Variants in ZNF185 observed in about 807,000 individuals in gnomAD.
ZNF185 encodes the protein zinc finger protein 185.
A neutral mutation model predicts 58.6 loss-of-function variants in ZNF185; 56 were observed. The ratio of observed to expected loss-of-function variants is 0.95; its 90% CI spans 0.77 to 1.19. ZNF185 has a LOEUF of 1.19. Ranked by LOEUF, ZNF185 falls within the 50% of genes most tolerant of loss-of-function variation. ZNF185 has a pLI of 0.00. For missense variants in ZNF185, 627 were observed against 573.5 expected (o/e 1.09, Z -0.95); for synonymous variants, 230 against 215.9 (o/e 1.07, Z -0.57).
intron 15 of ZNF185, among the ~76,000 whole-genome samples, chrX:152,941,400 A>G (rs1363936906): frequency 4.4e-5 from 5 of 112,659 alleles, no homozygotes; most frequent in Non-Finnish European, 9.4e-5. Context: ...CAAAATGGTA[A>G]TAGTGCTAAG....
chrX:152,901,146 C>T, the ZNF185 span, among the ~76,000 whole-genome samples: 106 of 112,371 alleles, frequency 9.4e-4, no homozygotes, highest in African/African-American at 3.4e-3. Flanking sequence ...CAGTATCTAC[C>T]CACATTTAAA....
the ZNF185 span, among the ~76,000 whole-genome samples, chrX:152,901,493 A>G: frequency 0.011 from 1,169 of 110,259 alleles, 15 homozygotes; most frequent in African/African-American, 0.037. Context: ...AGTTGTACGA[A>G]TCGTGCAGAG....
chrX:152,907,705 G>A, the ZNF185 span, among the ~76,000 whole-genome samples: 12 of 113,068 alleles, frequency 1.1e-4, no homozygotes, highest in African/African-American at 3.5e-4. Context: ...GCCTGAGTAC[G>A]GGGCTTTGCT....
rs189142941 is a variant in ZNF185 at position 152,938,378 on chromosome X, A to G, written c.1211+215A>G. Among the ~76,000 whole-genome samples the G allele has an allele frequency of 2.2e-3, 247 of 112,602 alleles. 7 individuals carry two copies. Among genetic ancestry groups the G allele is most frequent in the African/African-American group, 7.0e-3 (216 of 30,996 alleles). On this transcript the variant is annotated intron_variant, in intron 15 of 22. Coordinates refer to ENST00000449285, the Ensembl canonical transcript of ZNF185. ...TTGCCTTGGCCAGGAAATACATCAT[A>G]GTCAGAAAGGGTCTTTCAGTCAGCA... is the stretch of plus-strand genomic sequence containing the variant.
At chrX:152,939,774 G>A (rs782698779) in intron 15 of ZNF185, among the ~76,000 whole-genome samples, 1 of 56,394 alleles carries the variant, frequency 1.8e-5, no homozygotes, top group African/African-American at 5.4e-5. Flanking sequence ...AAAATCAGAG[G>A]TGTTTTTTTT....
intron 5 of ZNF185, 138 bp downstream of exon 6, chrX:152,917,500 AC>A: frequency 1.3e-6 from 1 of 764,340 alleles, no homozygotes; most frequent in Non-Finnish European, 1.9e-6. Flanking sequence ...GTAGGGCAGG[AC>A]CCTGGAGAGC....
In ZNF185 at chrX:152,971,934, T is replaced by C. The variant is rs782725636; in HGVS notation, c.*661T>C. On this transcript the variant is annotated 3_prime_UTR_variant, in exon 23 of 23. Coordinates refer to ENST00000449285, the Ensembl canonical transcript of ZNF185. ...AGGTTTAAATTCAGTAGGATGTGAT[T>C]TTAGGATGCTACTGATCAAAGTGAT... 3.6e-5 allele frequency: 4 copies of C among 112,050 alleles called. No individual in the cohort carries two copies. In the East Asian group the frequency reaches 8.4e-4, roughly 24 times the overall value. The allele number at this position is 112,050 out of a possible 1,213,427, so 9.2% of individuals were successfully genotyped here. A position where few individuals can be genotyped will look rare whatever the true frequency, so the allele number is the denominator to read the frequency against.
chrX:152,916,696 A>G (rs943013649), intron 3 of ZNF185, among the ~76,000 whole-genome samples: 2 of 112,277 alleles, frequency 1.8e-5, no homozygotes, highest in African/African-American at 3.2e-5. Context: ...GTTGAGGGAG[A>G]TCAGGTCAGA....
intron 20 of ZNF185, 87 bp from the exon 23 acceptor site, chrX:152,969,295 G>C: frequency 1.3e-6 from 1 of 797,533 alleles, no homozygotes; most frequent in Admixed American, 2.8e-5. Flanking sequence ...CCTGGGCCTG[G>C]CTGCACCAAA....
At chrX:152,963,715 T>G in intron 17 of ZNF185, 124 bp from the exon 20 acceptor site, 1 of 531,547 alleles carries the variant, frequency 1.9e-6, no homozygotes, top group Non-Finnish European at 2.9e-6. Context: ...AGAAGTTCCA[T>G]TTGTTGGTCT....
chrX:152,941,748 C>T, intron 15 of ZNF185: 1 of 1,165,380 alleles, frequency 8.6e-7, no homozygotes, highest in Non-Finnish European at 1.1e-6. Context: ...CGGGGATTCT[C>T]TTGAGGCCAT....
chrX:152,920,989 C>G lies in ZNF185; in HGVS notation c.656+241C>G, dbSNP rs892526442. Among the ~76,000 whole-genome samples, 5 of 112,633 alleles carry G rather than the reference C, an allele frequency of 4.4e-5. No homozygotes were observed. In the Admixed American group the frequency reaches 4.7e-4, roughly 11 times the overall value. On this transcript the variant is annotated intron_variant, in intron 9 of 22. Transcript: ENST00000449285. ...TTTGCCAATGGCTAATGGGGCTGGG[C>G]CCCTGACCCAACGTGGAGCATTTCC...
chrX:152,914,607 C>T, intron 1 of ZNF185, 84 bp downstream of exon 2: 1 of 1,158,256 alleles, frequency 8.6e-7, no homozygotes, highest in African/African-American at 1.8e-5. Flanking sequence ...CAAGCACTGT[C>T]CCAGCAGCAA....
chrX:152,927,284 C>A (rs1298103468), intron 11 of ZNF185, among the ~76,000 whole-genome samples: 1 of 112,203 alleles, frequency 8.9e-6, no homozygotes, highest in Non-Finnish European at 1.9e-5. Context: ...GTGTCTAGGG[C>A]CCCTCCTGGC....
intron 15 of ZNF185, among the ~76,000 whole-genome samples, chrX:152,943,447 G>C (rs782078137): frequency 8.9e-6 from 1 of 112,140 alleles, no homozygotes; most frequent in Non-Finnish European, 1.9e-5. Flanking sequence ...AAATCCCGTT[G>C]GTCACCATCC....
chrX:152,907,691 T>C, the ZNF185 span, among the ~76,000 whole-genome samples: 1 of 112,828 alleles, frequency 8.9e-6, no homozygotes, highest in Non-Finnish European at 1.9e-5. Flanking sequence ...GACAGGCTGG[T>C]GTTGCCTGAG....
the ZNF185 span, among the ~76,000 whole-genome samples, chrX:152,909,088 G>T: frequency 8.9e-6 from 1 of 112,946 alleles, no homozygotes; most frequent in Non-Finnish European, 1.9e-5. Context: ...GAGGGCTGGA[G>T]TCCTGCACAC....
At chrX:152,961,162 A>G (rs1186616569) in intron 17 of ZNF185, among the ~76,000 whole-genome samples, 1 of 111,977 alleles carries the variant, frequency 8.9e-6, no homozygotes, top group Non-Finnish European at 1.9e-5. Context: ...ACCAGCTTCC[A>G]GTCTTTCCTC....
intron 11 of ZNF185, among the ~76,000 whole-genome samples, chrX:152,923,689 G>A (rs1429975822): frequency 8.9e-6 from 1 of 112,142 alleles, no homozygotes; most frequent in Non-Finnish European, 1.9e-5. Flanking sequence ...CTCATAAGGA[G>A]CGCACAATCT....
Sources: gnomAD v4.1 joint callset for allele counts (sites outside exome capture counted in the v4.1 genomes callset) on GRCh38, gnomAD v4.1.1 for gene constraint, MANE v1.5 for transcripts, NCBI Gene and HGNC (gene_info 2026-07-23, HGNC 2026-07-21) for gene names.